The following PPFIBP1 variants were observed in gnomAD, a reference collection of about 807,000 sequenced individuals.
The protein encoded by PPFIBP1 is liprin-beta-1.
A neutral mutation model predicts 137.8 loss-of-function variants in PPFIBP1; 112 were observed. The observed-to-expected ratio is 0.81, with a 90% CI of 0.70 to 0.95. PPFIBP1 has a LOEUF of 0.95. Among genes scored for constraint, PPFIBP1 ranks in the 40% least tolerant of loss-of-function variants. The pLI is 0.00. For synonymous variants in PPFIBP1, 378 were observed against 417.3 expected (o/e 0.91, Z 1.15); for missense variants, 1,083 against 1,196.6 (o/e 0.91, Z 1.40).
intron 1 of PPFIBP1, among the ~76,000 whole-genome samples, chr12:27,560,101 C>T (rs1235823540): frequency 6.6e-6 from 1 of 152,196 alleles, no homozygotes; most frequent in Admixed American, 6.5e-5. Context: ...AAAATGTACA[C>T]CCAGAAGTTT....
In PPFIBP1 at chr12:27,531,598, C is replaced by T. The variant is rs541123202; in HGVS notation, c.-124+7233C>T. Reference sequence around the variant, plus strand: ...GATTACAGGCATGAGCCACCACGTCCGGCCAGAAATTATTAATAGGAATAA... The same window carrying T: ...GATTACAGGCATGAGCCACCACGTCTGGCCAGAAATTATTAATAGGAATAA... On this transcript the variant is annotated intron_variant, in intron 1 of 29. Coordinates refer to ENST00000228425, the MANE Select transcript of PPFIBP1 (RefSeq NM_003622.4). 2.0e-4 allele frequency among the ~76,000 whole-genome samples: 31 copies of T among 152,160 alleles called. No individual in the cohort carries two copies. The South Asian group carries it at 2.1e-3, about 10-fold the overall frequency.
intron 2 of PPFIBP1, among the ~76,000 whole-genome samples, chr12:27,606,865 C>A (rs942034201): frequency 6.6e-6 from 1 of 152,104 alleles, no homozygotes; most frequent in Non-Finnish European, 1.5e-5. Context: ...GAGTTTAGTT[C>A]GGTGCTCTGT....
At chr12:27,577,796 A>T (rs1438128788) in intron 1 of PPFIBP1, among the ~76,000 whole-genome samples, 1 of 152,194 alleles carries the variant, frequency 6.6e-6, no homozygotes, top group East Asian at 1.9e-4. Context: ...ACCGTGGTTC[A>T]TTCATTTACT....
At chr12:27,582,134 T>C (rs118007839) in intron 2 of PPFIBP1, among the ~76,000 whole-genome samples, 77 of 152,230 alleles carry the variant, frequency 5.1e-4, no homozygotes, top group Middle Eastern at 3.4e-3. Flanking sequence ...TTTTTTTCCT[T>C]TATGAGACAG....
At chr12:27,601,149 A>G (rs1376137662) in intron 2 of PPFIBP1, among the ~76,000 whole-genome samples, 2 of 152,184 alleles carry the variant, frequency 1.3e-5, no homozygotes, top group African/African-American at 2.4e-5. Flanking sequence ...TAAATTTTAT[A>G]TGTATTTTAC....
At chr12:27,527,511 AG>A (rs1474155329) in intron 1 of PPFIBP1, among the ~76,000 whole-genome samples, 1 of 152,038 alleles carries the variant, frequency 6.6e-6, no homozygotes, top group Non-Finnish European at 1.5e-5. Context: ...CCAAAGTGCT[AG>A]GATTACATGA....
chr12:27,664,133 A>C (rs759772846), intron 11 of PPFIBP1, among the ~76,000 whole-genome samples: 20 of 152,180 alleles, frequency 1.3e-4, no homozygotes, highest in Non-Finnish European at 2.5e-4. Context: ...CCATATGTTT[A>C]ATGTATGTAG....
intron 2 of PPFIBP1, among the ~76,000 whole-genome samples, chr12:27,620,314 C>CT (rs1453917988): frequency 6.6e-6 from 1 of 152,200 alleles, no homozygotes; most frequent in Admixed American, 6.5e-5. Flanking sequence ...ACCACGCCTT[C>CT]TGTGCCTCTG....
At chr12:27,546,073 T>A (rs1348496103) in intron 1 of PPFIBP1, among the ~76,000 whole-genome samples, 1 of 152,214 alleles carries the variant, frequency 6.6e-6, no homozygotes, top group Non-Finnish European at 1.5e-5. Context: ...TGATAGTTCT[T>A]GTTCCTGTGA....
chr12:27,600,725 CT>C (rs772173048), intron 2 of PPFIBP1, among the ~76,000 whole-genome samples: 2 of 152,070 alleles, frequency 1.3e-5, no homozygotes, highest in Non-Finnish European at 2.9e-5. Context: ...AGGACAAAAA[CT>C]TATGGAAATT....
chr12:27,529,505 C>T (rs535969762), intron 1 of PPFIBP1, among the ~76,000 whole-genome samples: 1 of 152,102 alleles, frequency 6.6e-6, no homozygotes. Flanking sequence ...ACCAGCCTGG[C>T]CAACATGGCA....
chr12:27,582,584 T>C (rs2051248634), intron 2 of PPFIBP1, among the ~76,000 whole-genome samples: 1 of 152,178 alleles, frequency 6.6e-6, no homozygotes, highest in Admixed American at 6.5e-5. Flanking sequence ...AGAAATGAGA[T>C]TGGGTTCCCT....
intron 19 of PPFIBP1, among the ~76,000 whole-genome samples, chr12:27,679,218 A>T (rs917796463): frequency 6.6e-6 from 1 of 152,218 alleles, no homozygotes; most frequent in East Asian, 1.9e-4. Context: ...TAATTCCATT[A>T]TGAATTGAAA....
At chr12:27,688,588 A>G (rs1216910183) in intron 26 of PPFIBP1, among the ~76,000 whole-genome samples, 165 bp downstream of exon 26, 2 of 152,334 alleles carry the variant, frequency 1.3e-5, no homozygotes, top group South Asian at 2.1e-4. Flanking sequence ...TTGATATCTT[A>G]TAACTCTAGA....
intron 12 of PPFIBP1, among the ~76,000 whole-genome samples, chr12:27,666,567 G>A (rs1033168406): frequency 6.6e-6 from 1 of 152,102 alleles, no homozygotes; most frequent in Non-Finnish European, 1.5e-5. Flanking sequence ...TTCTAGAGAT[G>A]TAAAAAAAAA....
chr12:27,625,619 C>T (rs1390283830), intron 2 of PPFIBP1, among the ~76,000 whole-genome samples: 4 of 138,448 alleles, frequency 2.9e-5, no homozygotes, highest in Non-Finnish European at 4.6e-5. Flanking sequence ...CTTGCTCTGT[C>T]GCCCAGGTTG....
intron 17 of PPFIBP1, among the ~76,000 whole-genome samples, chr12:27,674,698 C>T (rs750196296): frequency 6.6e-6 from 1 of 152,082 alleles, no homozygotes; most frequent in Admixed American, 6.6e-5. Context: ...TTAGACCTCC[C>T]CAAAAGCCCT....
chr12:27,672,705 G>A (rs1295468918), intron 15 of PPFIBP1, among the ~76,000 whole-genome samples: 1 of 152,218 alleles, frequency 6.6e-6, no homozygotes, highest in Non-Finnish European at 1.5e-5. Context: ...GGGTTTTGCA[G>A]ATCTCATGCC....
chr12:27,536,004 AC>A (rs1258402519), intron 1 of PPFIBP1, among the ~76,000 whole-genome samples: 3 of 152,266 alleles, frequency 2.0e-5, no homozygotes, highest in Admixed American at 2.0e-4. Flanking sequence ...AAGAGATAAA[AC>A]GCTAAGCCTC....
Sources: gnomAD v4.1 joint callset for allele counts (sites outside exome capture counted in the v4.1 genomes callset) on GRCh38, gnomAD v4.1.1 for gene constraint, MANE v1.5 for transcripts, NCBI Gene and HGNC (gene_info 2026-07-23, HGNC 2026-07-21) for gene names.